Variants in MMAA observed in about 807,000 individuals in gnomAD.
The protein encoded by MMAA is methylmalonic aciduria type A protein, mitochondrial.
MMAA carries 41 observed loss-of-function variants against 45.0 expected under a neutral mutation model. That is an observed-to-expected ratio of 0.91 (90% CI 0.71 to 1.18). The LOEUF (loss-of-function observed/expected upper bound fraction) is 1.18. MMAA is among the 50% of genes most tolerant of loss of function. The pLI is 0.00. For synonymous variants in MMAA, 154 were observed against 178.2 expected (o/e 0.86, Z 1.08); for missense variants, 460 against 495.7 (o/e 0.93, Z 0.68).
At chr4:145,626,107 G>C in intron 1 of MMAA, 1 of 605,578 alleles carries the variant, frequency 1.7e-6, no homozygotes, top group Non-Finnish European at 2.9e-6. Context: ...CTGAGACACG[G>C]CCCCACACAA....
chr4:145,624,746 C>T, intron 1 of MMAA: 2 of 1,595,920 alleles, frequency 1.3e-6, no homozygotes, highest in South Asian at 1.1e-5. Context: ...TATACAGAGC[C>T]TTCTCCTCAC....
rs894026237 is a variant in MMAA at position 145,658,652 on chromosome 4, A to G, written c.*3218A>G. 6.6e-6 allele frequency: 1 copy of G among 151,858 alleles called. No individual in the cohort carries two copies. Among genetic ancestry groups the G allele is most frequent in the Non-Finnish European group, 1.5e-5 (1 of 67,978 alleles). 9.4% of individuals were successfully genotyped at this position (151,858 alleles called of 1,614,324 possible). A position where few individuals can be genotyped will look rare whatever the true frequency, so the allele number is the denominator to read the frequency against. ...ACACTGAAGACAACAGCTAACGAAC[A>G]ACATACGTGTGATAATTTATGTAGT... On this transcript the variant is annotated 3_prime_UTR_variant, in exon 7 of 7. Coordinates refer to ENST00000649156, the MANE Select transcript of MMAA (RefSeq NM_172250.3).
At chr4:145,631,427 G>A (rs1248319816) in intron 1 of MMAA, among the ~76,000 whole-genome samples, 1 of 151,986 alleles carries the variant, frequency 6.6e-6, no homozygotes, top group Non-Finnish European at 1.5e-5. Context: ...TACAGTTTTT[G>A]TCTTGAAATC....
chr4:145,626,212 G>A (rs1734203985), intron 1 of MMAA, among the ~76,000 whole-genome samples: 1 of 152,162 alleles, frequency 6.6e-6, no homozygotes, highest in Non-Finnish European at 1.5e-5. Flanking sequence ...TGAGCAGGTA[G>A]GAAATAATCC....
chr4:145,639,803 T>A (rs1028425223), intron 2 of MMAA: 9 of 984,464 alleles, frequency 9.1e-6, no homozygotes, highest in Non-Finnish European at 9.6e-6. Flanking sequence ...AATATAAGAT[T>A]TTTACTTTGG....
chr4:145,634,310 A>G (rs1006742441), intron 1 of MMAA, among the ~76,000 whole-genome samples: 3 of 152,140 alleles, frequency 2.0e-5, no homozygotes, highest in African/African-American at 7.2e-5. Flanking sequence ...TCCCTTTTCC[A>G]AAGGCAGAGG....
In MMAA at chr4:145,658,613, C is replaced by G. The variant is rs1243087237; in HGVS notation, c.*3179C>G. The G allele has an allele frequency of 1.3e-5, 2 of 150,812 alleles. No individual in the cohort carries two copies. Among genetic ancestry groups the G allele is most frequent in the African/African-American group, 4.9e-5 (2 of 40,922 alleles). The allele number at this position is 150,812 out of a possible 1,614,324, so 9.3% of individuals were successfully genotyped here. Reference sequence around the variant, plus strand: ...TGGCCATTTCCCTAAGCTTTTATAGCTATTGCCCAGTGTACACTGAAGACA... The same window carrying G: ...TGGCCATTTCCCTAAGCTTTTATAGGTATTGCCCAGTGTACACTGAAGACA... On this transcript the variant is annotated 3_prime_UTR_variant, in exon 7 of 7. Coordinates refer to ENST00000649156, the MANE Select transcript of MMAA (RefSeq NM_172250.3).
intron 4 of MMAA, among the ~76,000 whole-genome samples, chr4:145,649,030 T>C (rs867582645): frequency 5.3e-5 from 8 of 151,150 alleles, no homozygotes; most frequent in African/African-American, 2.0e-4. Flanking sequence ...GGCTTACACC[T>C]GTAGTCCCAG....
rs1474274957 is a variant in MMAA at position 145,654,015 on chromosome 4, G to C, written c.841G>C (p.Glu281Gln). The C allele has an allele frequency of 1.2e-6, 2 of 1,614,076 alleles. No homozygotes were observed. The highest frequency in any genetic ancestry group is 1.7e-6 in the Non-Finnish European group (2 of 1,180,000). ...TTAGGGTATCAAAAGGGGTATAATCGAGATGGCAGATCTGGTAGCTGTAAC... is the reference window on the plus strand; with the variant it reads ...TTAGGGTATCAAAAGGGGTATAATCCAGATGGCAGATCTGGTAGCTGTAAC... ...ELQGIKRGII[E>Q]MADLVAVTKS... The change falls in exon 6 of 7, where the codon GAG becomes CAG. Residue 281 changes from glutamate to glutamine, a missense_variant. Physicochemically the swap from Glu to Gln is conservative, Grantham distance 29. Transcript: ENST00000649156.
chr4:145,650,968 T>G (rs1356291923), intron 4 of MMAA, 94 bp from the exon 5 acceptor site: 8 of 1,054,130 alleles, frequency 7.6e-6, no homozygotes, highest in Non-Finnish European at 1.2e-5. Context: ...ACCATGAGTA[T>G]GAGTAAATGA....
chr4:145,652,286 T>C (rs1258711652), intron 5 of MMAA, among the ~76,000 whole-genome samples: 1 of 152,100 alleles, frequency 6.6e-6, no homozygotes. Context: ...GTAGGCATGA[T>C]TGACTGAATA....
chr4:145,632,359 C>A (rs1032211940), intron 1 of MMAA, among the ~76,000 whole-genome samples: 2 of 152,180 alleles, frequency 1.3e-5, no homozygotes, highest in Non-Finnish European at 1.5e-5. Context: ...CACTGAAAAG[C>A]CTGCTTCCAG....
intron 1 of MMAA, among the ~76,000 whole-genome samples, chr4:145,620,186 AT>A (rs1275674001): frequency 1.3e-5 from 2 of 152,206 alleles, no homozygotes; most frequent in Non-Finnish European, 2.9e-5. Flanking sequence ...TTTTACAATA[AT>A]TTTGCACTAA....
intron 1 of MMAA, among the ~76,000 whole-genome samples, chr4:145,621,091 G>A (rs953555082): frequency 2.6e-5 from 4 of 152,162 alleles, no homozygotes; most frequent in African/African-American, 9.7e-5. Context: ...TTTCTTAGAG[G>A]TGATTAGCAC....
intron 4 of MMAA, among the ~76,000 whole-genome samples, chr4:145,647,396 C>T (rs573691368): frequency 4.4e-4 from 67 of 152,130 alleles, no homozygotes; most frequent in Non-Finnish European, 9.1e-4. Flanking sequence ...TAACAGTTAC[C>T]AGCATGGTTC....
At position 145,654,453 on chromosome 4, in the gene MMAA, A is replaced by T. The variant is rs192561911; in HGVS notation, c.969+310A>T. On this transcript the variant is annotated intron_variant, in intron 6 of 6. Coordinates refer to ENST00000649156, the MANE Select transcript of MMAA (RefSeq NM_172250.3). ...AGATTATGGAGCAGTTAATGATTTGATTATCTATATTGGAATTTGATTCCC... is the reference window on the plus strand; with the variant it reads ...AGATTATGGAGCAGTTAATGATTTGTTTATCTATATTGGAATTTGATTCCC... Among the ~76,000 whole-genome samples the T allele has an allele frequency of 1.5e-4, 23 of 152,304 alleles. No individual in the cohort carries two copies. The East Asian group carries it at 4.0e-3, about 27-fold the overall frequency.
chr4:145,655,297 A>C lies in MMAA; in HGVS notation c.1120A>C (p.Ser374Arg). 1 of 1,614,210 alleles carries C rather than the reference A, an allele frequency of 6.2e-7. No homozygotes were observed. Among genetic ancestry groups the C allele is most frequent in the Admixed American group, 1.7e-5 (1 of 60,026 alleles). ...KVWMWNLIQE[S>R]VLEHFRTHPT... ...TTGGATGTGGAATCTCATTCAGGAA[A>C]GTGTGTTAGAGCATTTCAGGACCCA... is the stretch of plus-strand genomic sequence containing the variant. The change falls in exon 7 of 7, where the codon AGT becomes CGT. Residue 374 changes from serine (S) to arginine (R), a missense_variant. Ser to Arg is a moderately radical substitution (Grantham distance 110). Coordinates refer to ENST00000649156, the MANE Select transcript of MMAA (RefSeq NM_172250.3).
intron 1 of MMAA, chr4:145,624,856 A>G: frequency 6.2e-7 from 1 of 1,611,960 alleles, no homozygotes; most frequent in East Asian, 2.2e-5. Context: ...TGGACAAGCC[A>G]ATCCTCTGTA....
rs186094964 is a variant in MMAA at position 145,646,937 on chromosome 4, G to A, written c.733+781G>A. Among the ~76,000 whole-genome samples the A allele has an allele frequency of 2.5e-4, 38 of 152,308 alleles. 1 individual carries two copies. In the East Asian group the frequency reaches 7.1e-3, roughly 29 times the overall value. Reference sequence around the variant, plus strand: ...GATTGTCAGGGACCTTACATGCCATGCCAAGGAGTCTTCTGGAGTTTACCC... The same window carrying A: ...GATTGTCAGGGACCTTACATGCCATACCAAGGAGTCTTCTGGAGTTTACCC... On this transcript the variant is annotated intron_variant, in intron 4 of 6. Coordinates refer to ENST00000649156, the MANE Select transcript of MMAA (RefSeq NM_172250.3).
Sources: gnomAD v4.1 joint callset for allele counts (sites outside exome capture counted in the v4.1 genomes callset) on GRCh38, gnomAD v4.1.1 for gene constraint, MANE v1.5 for transcripts, NCBI Gene and HGNC (gene_info 2026-07-23, HGNC 2026-07-21) for gene names.